The following HLCS variants were observed in gnomAD, a reference collection of about 807,000 sequenced individuals.
HLCS encodes the protein holocarboxylase synthetase.
Under a neutral mutation model 75.0 loss-of-function variants are expected in HLCS, and 53 were observed. The ratio of observed to expected loss-of-function variants is 0.71; its 90% CI spans 0.57 to 0.89. The LOEUF is 0.89. HLCS is among the 40% of genes least tolerant of loss of function. HLCS has a pLI of 0.00. For synonymous variants in HLCS, 431 were observed against 428.6 expected (o/e 1.01, Z -0.07); for missense variants, 966 against 1,074.0 (o/e 0.90, Z 1.41).
chr21:36,806,773 C>T (rs1034035501), intron 6 of HLCS, among the ~76,000 whole-genome samples: 4 of 152,202 alleles, frequency 2.6e-5, no homozygotes, highest in Admixed American at 6.5e-5. Context: ...CAAAACTAAG[C>T]AGCCCGAGAC....
chr21:36,952,386 T>C (rs1345998606), intron 2 of HLCS, among the ~76,000 whole-genome samples: 1 of 152,210 alleles, frequency 6.6e-6, no homozygotes, highest in Admixed American at 6.5e-5. Context: ...TGGACGTCTC[T>C]AGCTCCTGGT....
chr21:36,804,551 T>C (rs137973665), intron 6 of HLCS, among the ~76,000 whole-genome samples: 1 of 152,224 alleles, frequency 6.6e-6, no homozygotes, highest in African/African-American at 2.4e-5. Context: ...CCACCTGAAG[T>C]TTCCCCAGGC....
At chr21:36,984,494 C>T (rs2069189565) in intron 1 of HLCS, among the ~76,000 whole-genome samples, 1 of 152,186 alleles carries the variant, frequency 6.6e-6, no homozygotes, top group Non-Finnish European at 1.5e-5. Flanking sequence ...AGAGATGATT[C>T]GTGTCCCAGG....
chr21:36,855,312 C>T (rs2063149508), intron 6 of HLCS, among the ~76,000 whole-genome samples: 1 of 151,824 alleles, frequency 6.6e-6, no homozygotes, highest in Non-Finnish European at 1.5e-5. Context: ...GGGTGGATTG[C>T]CTGAGGTCAG....
In HLCS at chr21:36,749,299, A is replaced by C. The variant is rs1042246823; in HGVS notation, c.*4947T>G. On this transcript the variant is annotated 3_prime_UTR_variant, in exon 11 of 11. Coordinates refer to ENST00000674895, the MANE Select transcript of HLCS (RefSeq NM_001352514.2). The stretch of plus-strand genomic sequence containing the variant: ...CTTCAATTTTCTTCACACTATCAAC[A>C]CTGCAGCATTTTGCTGCTTTATCAA... 1 of 152,574 alleles carries C rather than the reference A, an allele frequency of 6.6e-6. No individual in the cohort carries two copies. Among genetic ancestry groups the C allele is most frequent in the African/African-American group, 2.4e-5 (1 of 41,436 alleles). 9.5% of individuals were successfully genotyped at this position (152,574 alleles called of 1,614,324 possible).
intron 6 of HLCS, among the ~76,000 whole-genome samples, chr21:36,830,294 G>C (rs1205942410): frequency 2.0e-5 from 3 of 152,180 alleles, no homozygotes; most frequent in South Asian, 4.1e-4. Flanking sequence ...CCCAGGCTGT[G>C]GTACTTTGTC....
intron 6 of HLCS, among the ~76,000 whole-genome samples, chr21:36,798,006 G>T (rs575045655): frequency 1.1e-4 from 17 of 152,142 alleles, no homozygotes; most frequent in South Asian, 8.3e-4. Context: ...GAGAGCTAAG[G>T]ATGGTGGGGA....
chr21:36,914,730 C>T (rs904183603), intron 5 of HLCS, among the ~76,000 whole-genome samples: 3 of 152,230 alleles, frequency 2.0e-5, no homozygotes, highest in African/African-American at 4.8e-5. Context: ...TTGGCTCTAA[C>T]GGCGAGGGCG....
chr21:36,781,259 CAAA>C (rs34115036), intron 6 of HLCS, among the ~76,000 whole-genome samples: 15 of 114,070 alleles, frequency 1.3e-4, no homozygotes, highest in Non-Finnish European at 2.2e-4. Context: ...AACTCTGTCT[CAAA>C]AAAAAAAAAA....
chr21:36,924,191 C>A, intron 5 of HLCS, among the ~76,000 whole-genome samples: 1 of 152,218 alleles, frequency 6.6e-6, no homozygotes, highest in East Asian at 1.9e-4. Context: ...AAGGGGAGGA[C>A]TCCACATCAA....
At chr21:36,874,772 C>T (rs1360069178) in intron 6 of HLCS, among the ~76,000 whole-genome samples, 1 of 152,114 alleles carries the variant, frequency 6.6e-6, no homozygotes, top group African/African-American at 2.4e-5. Context: ...GGGAGCCCTG[C>T]CCCCTACCAA....
chr21:36,938,951 G>C lies in HLCS; in HGVS notation c.374C>G (p.Pro125Arg), dbSNP rs2067018531. ...AGCAATTAGCCGATAAGGATCCCCA[G>C]GTCTGCAAGCTAATGGCAAACAACA... ...SDCCLPLACRPGDPYRLIAEA... is the reference protein window; with the variant it reads ...SDCCLPLACRRGDPYRLIAEA... Residue 125 changes from proline (P) to arginine (R), a missense_variant, in exon 3 of 11, where the codon CCT (proline) becomes CGT (arginine). Coordinates refer to ENST00000674895, the MANE Select transcript of HLCS (RefSeq NM_001352514.2). 1 of 1,612,530 alleles carries C rather than the reference G, an allele frequency of 6.2e-7. No individual in the cohort carries two copies. Among genetic ancestry groups the C allele is most frequent in the Non-Finnish European group, 8.5e-7 (1 of 1,179,994 alleles).
chr21:36,916,067 G>A (rs1403606447), intron 5 of HLCS, among the ~76,000 whole-genome samples: 1 of 152,132 alleles, frequency 6.6e-6, no homozygotes, highest in Non-Finnish European at 1.5e-5. Flanking sequence ...TTTCAAATCA[G>A]CTTGCATGAC....
chr21:36,922,099 G>GT (rs1224396577), intron 5 of HLCS, among the ~76,000 whole-genome samples: 3 of 152,076 alleles, frequency 2.0e-5, no homozygotes, highest in Admixed American at 6.5e-5. Flanking sequence ...AAAAGACTCT[G>GT]TTTTTTTAAA....
chr21:36,756,597 G>C lies in HLCS; in HGVS notation c.2395C>G (p.Gln799Glu), dbSNP rs2089606200. The change falls in exon 10 of 11, where the codon CAG (glutamine) becomes GAG (glutamate). Residue 799 changes from glutamine to glutamate, a missense_variant. Gln to Glu is a conservative substitution (Grantham distance 29). Transcript: ENST00000674895. ...AGGACGCTGTTGGGCCCTTTGTCCT[G>C]AAACTCTTTGATCAGTTTCTCCAGC... ...TVLEKLIKEF[Q>E]DKGPNSVLPL... The C allele has an allele frequency of 6.2e-7, 1 of 1,613,670 alleles. No homozygotes were observed. The highest frequency in any genetic ancestry group is 8.5e-7 in the Non-Finnish European group (1 of 1,179,784).
Position 36,936,596 on chromosome 21 carries a change from G to A in HLCS, c.1290C>T (p.Ser430=), listed in dbSNP as rs1472760580. ...SKADQSEVKL[S]VLSSGCRYQE... is the part of the protein sequence containing the mutation. ...GGTACCTGCAGCCACTGCTCAAGAC[G>A]CTGAGCTTCACCTCGCTCTGGTCAG... Residue 430 remains serine, a synonymous_variant, in exon 4 of 11, where the codon AGC becomes AGT. Coordinates refer to ENST00000674895, the MANE Select transcript of HLCS (RefSeq NM_001352514.2). The A allele has an allele frequency of 7.4e-6, 12 of 1,614,078 alleles. No individual in the cohort carries two copies. Among genetic ancestry groups the A allele is most frequent in the South Asian group, 3.3e-5 (3 of 91,092 alleles).
intron 6 of HLCS, among the ~76,000 whole-genome samples, chr21:36,813,435 A>G (rs1191372180): frequency 6.6e-6 from 1 of 152,232 alleles, no homozygotes; most frequent in Non-Finnish European, 1.5e-5. Context: ...TCCTGAAAGA[A>G]TTCTACCACA....
At chr21:36,860,062 G>A (rs769525478) in intron 6 of HLCS, among the ~76,000 whole-genome samples, 17 of 152,214 alleles carry the variant, frequency 1.1e-4, no homozygotes, top group Non-Finnish European at 7.3e-5. Flanking sequence ...GAGAATGCTC[G>A]GGTTCCCTGC....
At chr21:36,883,286 CTAAA>C (rs1283365161) in intron 6 of HLCS, among the ~76,000 whole-genome samples, 1 of 152,130 alleles carries the variant, frequency 6.6e-6, no homozygotes, top group East Asian at 1.9e-4. Flanking sequence ...AAAGTTCCCT[CTAAA>C]TAAGCCACAA....
Sources: gnomAD v4.1 joint callset for allele counts (sites outside exome capture counted in the v4.1 genomes callset) on GRCh38, gnomAD v4.1.1 for gene constraint, MANE v1.5 for transcripts, NCBI Gene and HGNC (gene_info 2026-07-23, HGNC 2026-07-21) for gene names.